TNRC6B: variants seen among roughly 807,000 people sequenced by gnomAD.
TNRC6B encodes the protein trinucleotide repeat containing adaptor 6B.
TNRC6B carries 52 observed loss-of-function variants against 203.6 expected under a neutral mutation model. The observed-to-expected ratio is 0.26, with a 90% CI of 0.20 to 0.32. TNRC6B has a LOEUF of 0.32. Ranked by LOEUF, TNRC6B falls within the 10% of genes least tolerant of loss-of-function variation. The pLI is 1.00. For missense variants in TNRC6B, 1,923 were observed against 2,286.2 expected (o/e 0.84, Z 3.24); for synonymous variants, 838 against 845.7 (o/e 0.99, Z 0.16).
At chr22:40,195,043 A>G (rs1238772846) in intron 1 of TNRC6B, among the ~76,000 whole-genome samples, 2 of 152,180 alleles carry the variant, frequency 1.3e-5, no homozygotes, top group African/African-American at 4.8e-5. Context: ...AGGCTTTGCA[A>G]ATGACACATG....
At position 40,264,257 on chromosome 22, in the gene TNRC6B, A is replaced by G. The variant is rs114843129; in HGVS notation, c.458-431A>G. On this transcript the variant is annotated intron_variant, in intron 4 of 22. Transcript: ENST00000454349. Reference sequence around the variant, plus strand: ...GAACATCTTGATGACATTCGAGGCCAAGGAGTTCAGCTTTATTCTTGTGCA... The same window carrying G: ...GAACATCTTGATGACATTCGAGGCCGAGGAGTTCAGCTTTATTCTTGTGCA... Among the ~76,000 whole-genome samples, 306 of 152,324 alleles carry G rather than the reference A, an allele frequency of 2.0e-3. 1 individual carries two copies. The highest frequency in any genetic ancestry group is 7.2e-3 in the African/African-American group (299 of 41,580).
rs1475737963 is a variant in TNRC6B at position 40,059,469 on chromosome 22, A to G, written c.-121+14471A>G. 2.0e-5 allele frequency among the ~76,000 whole-genome samples: 3 copies of G among 152,240 alleles called. No homozygotes were observed. The East Asian group carries it at 5.8e-4, about 29-fold the overall frequency. On this transcript the variant is annotated intron_variant, in intron 1 of 23. Transcript: ENST00000301923. Reference sequence around the variant, plus strand: ...TAATTCATACCTTAATGTCCTGGCTAGTACTTCGAGTACCATGCTGAACAG... The same window carrying G: ...TAATTCATACCTTAATGTCCTGGCTGGTACTTCGAGTACCATGCTGAACAG...
At chr22:40,154,447 G>A (rs1327105912) in intron 3 of TNRC6B, among the ~76,000 whole-genome samples, 4 of 151,772 alleles carry the variant, frequency 2.6e-5, no homozygotes, top group Admixed American at 2.6e-4. Flanking sequence ...CTGGGTGACA[G>A]GGCGAGACTC....
At chr22:40,282,562 TGTG>T (rs2070732258) in intron 11 of TNRC6B, among the ~76,000 whole-genome samples, 1 of 152,216 alleles carries the variant, frequency 6.6e-6, no homozygotes, top group African/African-American at 2.4e-5. Flanking sequence ...TGATTGTAAA[TGTG>T]GTGGATCACA....
chr22:40,255,812 C>T (rs1262542892), intron 3 of TNRC6B, among the ~76,000 whole-genome samples: 1 of 152,114 alleles, frequency 6.6e-6, no homozygotes, highest in Non-Finnish European at 1.5e-5. Context: ...TTCCTGGATA[C>T]TGTATGTCTA....
intron 1 of TNRC6B, among the ~76,000 whole-genome samples, chr22:40,242,215 C>T (rs932913365): frequency 1.3e-5 from 2 of 150,160 alleles, no homozygotes; most frequent in Admixed American, 6.7e-5. Flanking sequence ...TGTGTGCATG[C>T]GCACGTGCGT....
Position 40,122,206 on chromosome 22 carries a change from A to T in TNRC6B, c.-46-3566A>T, listed in dbSNP as rs764409214. On this transcript the variant is annotated intron_variant, in intron 2 of 23. Coordinates refer to the TNRC6B transcript ENST00000301923. ...TCCTCCTTTTTAAAAGCTTATATGCAGCGAGAAATTGTTACACTTTTCATT... is the reference window on the plus strand; with the variant it reads ...TCCTCCTTTTTAAAAGCTTATATGCTGCGAGAAATTGTTACACTTTTCATT... Among the ~76,000 whole-genome samples, 5 of 152,294 alleles carry T rather than the reference A, an allele frequency of 3.3e-5. No homozygotes were observed. In the East Asian group the frequency reaches 9.7e-4, roughly 29 times the overall value.
rs61745473 is a variant in TNRC6B at position 40,273,478 on chromosome 22, G to A, written c.3019G>A (p.Ala1007Thr). 5.6e-4 allele frequency: 908 copies of A among 1,609,450 alleles called. 5 individuals are homozygous for A. In the African/African-American group the frequency reaches 0.011, roughly 19 times the overall value. The change falls in exon 7 of 23, where the codon GCT becomes ACT. Residue 1007 changes from alanine to threonine, a missense_variant. Coordinates refer to ENST00000454349, the MANE Select transcript of TNRC6B (RefSeq NM_001162501.2). Reference sequence around the variant, plus strand: ...GGAGAGTGACGGGCCAGTCACAGGAGCTCGCCATCCCAGCTGGGAAGAGGA... The same window carrying A: ...GGAGAGTGACGGGCCAGTCACAGGAACTCGCCATCCCAGCTGGGAAGAGGA... ...WGESDGPVTG[A>T]RHPSWEEEED...
intron 3 of TNRC6B, among the ~76,000 whole-genome samples, chr22:40,131,453 C>T (rs1348795852): frequency 6.7e-6 from 1 of 148,500 alleles, no homozygotes; most frequent in African/African-American, 2.5e-5. Context: ...GTGATGGTTT[C>T]TAAAAGACTG....
At chr22:40,289,536 C>T (rs1488665673) in intron 12 of TNRC6B, among the ~76,000 whole-genome samples, 1 of 152,086 alleles carries the variant, frequency 6.6e-6, no homozygotes, top group African/African-American at 2.4e-5. Flanking sequence ...ACAGAGTTCC[C>T]CTCCTTTCTG....
At position 40,146,762 on chromosome 22, in the gene TNRC6B, G is replaced by A. The variant is rs1162000229; in HGVS notation, c.46-9353G>A. Among the ~76,000 whole-genome samples the A allele has an allele frequency of 2.6e-5, 4 of 151,710 alleles. 1 individual carries two copies. The highest frequency in any genetic ancestry group is 2.1e-4 in the South Asian group (1 of 4,814). ...GTGTTTGTAGTAGAGACAGGGTTTC[G>A]CCATGTTGGCTAGGCTGGCCTTGAA... is the stretch of plus-strand genomic sequence containing the variant. On this transcript the variant is annotated intron_variant, in intron 3 of 23. Transcript: ENST00000301923.
chr22:40,262,175 TA>T lies in TNRC6B; in HGVS notation c.457+4del. On this transcript the variant is annotated splice_donor_region_variant and intron_variant, in intron 4 of 22. Transcript: ENST00000454349. ...AGAGTGAGAGTGGGACTGCGCCAGG[TA>T]AGGCACCCTGTGAATCGAATGCATG... The T allele has an allele frequency of 7.3e-7, 1 of 1,377,250 alleles. No homozygotes were observed. The highest frequency in any genetic ancestry group is 9.5e-7 in the Non-Finnish European group (1 of 1,048,936). 85.3% of individuals were successfully genotyped at this position (1,377,250 alleles called of 1,614,324 possible).
intron 1 of TNRC6B, among the ~76,000 whole-genome samples, chr22:40,085,964 G>A (rs907889942): frequency 3.9e-5 from 6 of 151,990 alleles, no homozygotes; most frequent in South Asian, 2.1e-4. Flanking sequence ...TAAACCTCCC[G>A]GGCTCAGGTG....
chr22:40,159,550 A>G (rs1916222747), intron 4 of TNRC6B, among the ~76,000 whole-genome samples: 1 of 151,642 alleles, frequency 6.6e-6, no homozygotes, highest in Non-Finnish European at 1.5e-5. Context: ...GAGGCAGGAG[A>G]ATGGCGTGAA....
At position 40,114,763 on chromosome 22, in the gene TNRC6B, T is replaced by C. The variant is rs370906352; in HGVS notation, c.-120-2292T>C. 1.2e-4 allele frequency among the ~76,000 whole-genome samples: 18 copies of C among 152,226 alleles called. 2 individuals carry two copies. Among genetic ancestry groups the C allele is most frequent in the Admixed American group, 9.8e-4 (15 of 15,290 alleles). ...TGCTCTGAAAGAGAAGAGAGAAAACTGGAGTGGTTCACAGTTTTACTGCTG... is the reference window on the plus strand; with the variant it reads ...TGCTCTGAAAGAGAAGAGAGAAAACCGGAGTGGTTCACAGTTTTACTGCTG... On this transcript the variant is annotated intron_variant, in intron 1 of 23. Transcript: ENST00000301923.
intron 1 of TNRC6B, among the ~76,000 whole-genome samples, chr22:40,053,539 A>G (rs1443335188): frequency 6.6e-6 from 1 of 152,158 alleles, no homozygotes; most frequent in Non-Finnish European, 1.5e-5. Context: ...GGAAGATTGA[A>G]TTTCTCTCTG....
intron 3 of TNRC6B, among the ~76,000 whole-genome samples, chr22:40,259,717 T>C (rs886530849): frequency 1.3e-5 from 2 of 152,162 alleles, no homozygotes; most frequent in Admixed American, 6.5e-5. Context: ...TAATGTCCAG[T>C]AGTGGCATAG....
chr22:40,200,793 G>A (rs2069402787), intron 1 of TNRC6B, among the ~76,000 whole-genome samples: 1 of 152,126 alleles, frequency 6.6e-6, no homozygotes, highest in Non-Finnish European at 1.5e-5. Flanking sequence ...ATGGTCATCA[G>A]TCAAAACCCC....
At chr22:40,082,797 G>A (rs2068072046) in intron 1 of TNRC6B, among the ~76,000 whole-genome samples, 1 of 152,226 alleles carries the variant, frequency 6.6e-6, no homozygotes, top group African/African-American at 2.4e-5. Context: ...AGTGGGAGTG[G>A]AGGAAGGCAT....
Sources: gnomAD v4.1 joint callset for allele counts (sites outside exome capture counted in the v4.1 genomes callset) on GRCh38, gnomAD v4.1.1 for gene constraint, MANE v1.5 for transcripts, NCBI Gene and HGNC (gene_info 2026-07-23, HGNC 2026-07-21) for gene names.